FAM184B: variants seen among roughly 807,000 people sequenced by gnomAD.
FAM184B encodes protein FAM184B.
Under a neutral mutation model 135.9 loss-of-function variants are expected in FAM184B, and 111 were observed. That is an observed-to-expected ratio of 0.82 (90% CI 0.70 to 0.96). FAM184B has a LOEUF of 0.96. Ranked by LOEUF, FAM184B falls within the 40% of genes least tolerant of loss-of-function variation. FAM184B has a pLI of 0.00. For missense variants in FAM184B, 1,375 were observed against 1,323.9 expected, an observed-to-expected ratio of 1.04 and a Z score of -0.60; for synonymous variants, 552 against 524.8, an observed-to-expected ratio of 1.05 and a Z score of -0.71.
intron 6 of FAM184B, among the ~76,000 whole-genome samples, chr4:17,691,869 A>G (rs533651559): frequency 1.2e-3 from 177 of 152,074 alleles, no homozygotes; most frequent in African/African-American, 3.7e-3. Flanking sequence ...CCTGGCCAAC[A>G]TGGTGAAACC....
At chr4:17,762,371 T>C (rs564609299) in intron 1 of FAM184B, among the ~76,000 whole-genome samples, 1 of 152,154 alleles carries the variant, frequency 6.6e-6, no homozygotes, top group Non-Finnish European at 1.5e-5. Context: ...TATTCTCCTT[T>C]AGGTTAACAG....
Position 17,771,019 on chromosome 4 carries a change from C to T in FAM184B, c.141+10140G>A, listed in dbSNP as rs117886058. Among the ~76,000 whole-genome samples, 91 of 152,342 alleles carry T rather than the reference C, an allele frequency of 6.0e-4. 2 individuals are homozygous for T. The East Asian group carries it at 0.015, about 26-fold the overall frequency. On this transcript the variant is annotated intron_variant, in intron 1 of 17. Coordinates refer to ENST00000265018, the MANE Select transcript of FAM184B (RefSeq NM_015688.2). Reference sequence around the variant, plus strand: ...AAGGAATGAAAGGTTTCTTTTTGTGCTTATCTGTTCCTCCGTTGATGGACA... The same window carrying T: ...AAGGAATGAAAGGTTTCTTTTTGTGTTTATCTGTTCCTCCGTTGATGGACA...
At chr4:17,775,152 A>T (rs1225260481) in intron 1 of FAM184B, among the ~76,000 whole-genome samples, 1 of 151,542 alleles carries the variant, frequency 6.6e-6, no homozygotes, top group African/African-American at 2.4e-5. Flanking sequence ...GTGCACCACC[A>T]TGCCCAGCTA....
intron 6 of FAM184B, among the ~76,000 whole-genome samples, chr4:17,689,258 G>C (rs1716667794): frequency 6.6e-6 from 1 of 152,160 alleles, no homozygotes. Context: ...TGCTCTAAAA[G>C]TGTAAGGCCT....
rs574279670 is a variant in FAM184B, at chr4:17,670,601, G to A, written c.1597-5942C>T. Among the ~76,000 whole-genome samples the A allele has an allele frequency of 1.1e-4, 16 of 152,260 alleles. No homozygotes were observed. In the South Asian group the frequency reaches 3.3e-3, roughly 32 times the overall value. ...GGAGAGGACTGAAAACACTAAAAGG[G>A]CTGATGCACCCAGATAACAACACTG... On this transcript the variant is annotated intron_variant, in intron 7 of 17. Coordinates refer to ENST00000265018, the MANE Select transcript of FAM184B (RefSeq NM_015688.2).
At chr4:17,776,411 G>A (rs60776080) in intron 1 of FAM184B, among the ~76,000 whole-genome samples, 2,612 of 151,930 alleles carry the variant, frequency 0.017, 62 homozygotes, top group African/African-American at 0.06. Context: ...TTTTTGGAAT[G>A]GAGTTTCACT....
intron 11 of FAM184B, among the ~76,000 whole-genome samples, chr4:17,648,464 A>G (rs1365022811): frequency 6.6e-6 from 1 of 151,496 alleles, no homozygotes; most frequent in African/African-American, 2.4e-5. Flanking sequence ...CTCCTGCCTT[A>G]GCCTCCGGAG....
intron 1 of FAM184B, among the ~76,000 whole-genome samples, chr4:17,711,051 A>G (rs1717255500): frequency 6.6e-6 from 1 of 152,170 alleles, no homozygotes; most frequent in Non-Finnish European, 1.5e-5. Context: ...GAATGACCCC[A>G]TGGAGAATCC....
intron 1 of FAM184B, among the ~76,000 whole-genome samples, chr4:17,766,033 C>G (rs13129866): frequency 6.6e-6 from 1 of 152,058 alleles, no homozygotes; most frequent in South Asian, 2.1e-4. Flanking sequence ...AGACCTTCCC[C>G]GTGAGTGTTA....
intron 13 of FAM184B, 151 bp downstream of exon 13, chr4:17,641,905 G>A (rs1303816824): frequency 2.5e-6 from 3 of 1,179,776 alleles, no homozygotes. Flanking sequence ...GTGAAATGCT[G>A]GCGCATTCAG....
At chr4:17,766,083 A>G (rs1489603948) in intron 1 of FAM184B, among the ~76,000 whole-genome samples, 1 of 152,226 alleles carries the variant, frequency 6.6e-6, no homozygotes, top group Non-Finnish European at 1.5e-5. Context: ...AGTAAGCCAC[A>G]GGAAGATTTA....
chr4:17,736,306 C>T (rs914818144), intron 1 of FAM184B, among the ~76,000 whole-genome samples: 1 of 152,128 alleles, frequency 6.6e-6, no homozygotes, highest in African/African-American at 2.4e-5. Flanking sequence ...ATAGGAGTAC[C>T]ACTTAAGTAA....
At chr4:17,653,664 T>C (rs983766254) in intron 10 of FAM184B, among the ~76,000 whole-genome samples, 2 of 152,004 alleles carry the variant, frequency 1.3e-5, no homozygotes, top group African/African-American at 4.8e-5. Context: ...CTTTAATAAG[T>C]GTCTCTTCAC....
intron 7 of FAM184B, among the ~76,000 whole-genome samples, chr4:17,668,596 G>C (rs985974943): frequency 6.6e-6 from 1 of 152,170 alleles, no homozygotes; most frequent in Non-Finnish European, 1.5e-5. Context: ...GCAGTGGTGT[G>C]ATCTAGGCTC....
intron 1 of FAM184B, among the ~76,000 whole-genome samples, chr4:17,744,556 G>A (rs1397333297): frequency 2.0e-5 from 3 of 149,630 alleles, no homozygotes; most frequent in East Asian, 2.0e-4. Flanking sequence ...TCTTCATTCC[G>A]CAGAGTTGCT....
chr4:17,772,264 C>T (rs1313389740), intron 1 of FAM184B, among the ~76,000 whole-genome samples: 2 of 152,056 alleles, frequency 1.3e-5, no homozygotes, highest in Non-Finnish European at 2.9e-5. Flanking sequence ...TGATTTTAAA[C>T]TCAGAGACTA....
intron 10 of FAM184B, among the ~76,000 whole-genome samples, chr4:17,657,341 C>G (rs1715798125): frequency 1.3e-5 from 2 of 152,202 alleles, no homozygotes; most frequent in South Asian, 4.1e-4. Flanking sequence ...GCAGCCTGGA[C>G]TGAGCTGTTG....
chr4:17,726,594 A>T (rs979772044), intron 1 of FAM184B, among the ~76,000 whole-genome samples: 19 of 151,876 alleles, frequency 1.3e-4, no homozygotes, highest in African/African-American at 4.4e-4. Context: ...CTGGTCTCAA[A>T]CTCCTGACCT....
At chr4:17,735,010 A>G (rs1213585117) in intron 1 of FAM184B, among the ~76,000 whole-genome samples, 1 of 152,162 alleles carries the variant, frequency 6.6e-6, no homozygotes, top group African/African-American at 2.4e-5. Context: ...CATAAAAAAT[A>G]AAGAGTTCAT....
Sources: gnomAD v4.1 joint callset for allele counts (sites outside exome capture counted in the v4.1 genomes callset) on GRCh38, gnomAD v4.1.1 for gene constraint, MANE v1.5 for transcripts, NCBI Gene and HGNC (gene_info 2026-07-23, HGNC 2026-07-21) for gene names.